GABRG3: variants seen among roughly 807,000 people sequenced by gnomAD.
GABRG3 encodes gamma-aminobutyric acid receptor subunit gamma-3.
GABRG3 carries 25 observed loss-of-function variants against 48.8 expected under a neutral mutation model. The observed-to-expected ratio is 0.51, with a 90% CI of 0.37 to 0.72. The LOEUF (loss-of-function observed/expected upper bound fraction) is 0.72, where lower values mean the gene tolerates loss of function less well. Among genes scored for constraint, GABRG3 ranks in the 30% least tolerant of loss-of-function variants. The probability of loss-of-function intolerance (pLI) is 0.00; values close to 1 mark genes in which losing one functional copy is unlikely to be tolerated. For missense variants in GABRG3, 394 were observed against 577.9 expected, an observed-to-expected ratio of 0.68 and a Z score of 3.26; for synonymous variants, 227 against 217.6, an observed-to-expected ratio of 1.04 and a Z score of -0.38.
At chr15:27,124,183 A>G (rs1272911266) in intron 3 of GABRG3, among the ~76,000 whole-genome samples, 1 of 152,226 alleles carries the variant, frequency 6.6e-6, no homozygotes, top group Admixed American at 6.5e-5. Flanking sequence ...ATTTCTACCG[A>G]AATAGACACT....
chr15:27,341,271 G>A (rs1257960587), intron 5 of GABRG3, among the ~76,000 whole-genome samples: 1 of 152,162 alleles, frequency 6.6e-6, no homozygotes, highest in East Asian at 1.9e-4. Context: ...GCCCTAGTCA[G>A]AGTTTTAAGA....
At chr15:27,251,047 G>A (rs1402025777) in intron 3 of GABRG3, among the ~76,000 whole-genome samples, 1 of 152,194 alleles carries the variant, frequency 6.6e-6, no homozygotes, top group Non-Finnish European at 1.5e-5. Context: ...TTCCCACGCT[G>A]ATAGCTCTGA....
chr15:27,240,671 A>G (rs955468274), intron 3 of GABRG3, among the ~76,000 whole-genome samples: 3 of 152,224 alleles, frequency 2.0e-5, no homozygotes, highest in Non-Finnish European at 4.4e-5. Context: ...ATGCATTAAT[A>G]GGAGTCTAAG....
chr15:27,399,038 A>C (rs1048048243), intron 5 of GABRG3, among the ~76,000 whole-genome samples: 3 of 152,188 alleles, frequency 2.0e-5, no homozygotes, highest in African/African-American at 7.2e-5. Context: ...TTTAGTCTTA[A>C]CTTTGAAAAT....
intron 5 of GABRG3, among the ~76,000 whole-genome samples, chr15:27,404,277 C>G (rs143649588): frequency 7.0e-4 from 107 of 152,290 alleles, no homozygotes; most frequent in Non-Finnish European, 1.3e-3. Context: ...GGAGTGCTTT[C>G]TTCAAAACTT....
intron 5 of GABRG3, among the ~76,000 whole-genome samples, chr15:27,337,912 T>C (rs1289092997): frequency 6.6e-6 from 1 of 152,218 alleles, no homozygotes; most frequent in African/African-American, 2.4e-5. Flanking sequence ...CCCCTTCCTA[T>C]ACATTCACTA....
intron 3 of GABRG3, among the ~76,000 whole-genome samples, chr15:27,183,446 G>A (rs1029781216): frequency 2.0e-5 from 3 of 152,154 alleles, no homozygotes; most frequent in African/African-American, 4.8e-5. Flanking sequence ...GCCAGGCAGC[G>A]TGGATCCAGA....
At chr15:27,458,464 C>T (rs970202569) in intron 5 of GABRG3, among the ~76,000 whole-genome samples, 1 of 152,150 alleles carries the variant, frequency 6.6e-6, no homozygotes, top group Non-Finnish European at 1.5e-5. Flanking sequence ...GGAATGTAAT[C>T]ATCTTTCCCT....
chr15:27,202,676 T>G (rs1888723545), intron 3 of GABRG3, among the ~76,000 whole-genome samples: 1 of 152,204 alleles, frequency 6.6e-6, no homozygotes, highest in South Asian at 2.1e-4. Flanking sequence ...GCATTATTTC[T>G]TACGTTAATT....
intron 2 of GABRG3, among the ~76,000 whole-genome samples, chr15:27,022,280 A>G (rs1378684834): frequency 6.6e-6 from 1 of 152,148 alleles, no homozygotes; most frequent in African/African-American, 2.4e-5. Context: ...GAACATCTAG[A>G]ATCAGATCAG....
intron 2 of GABRG3, 97 bp downstream of exon 2, chr15:26,977,247 G>T: frequency 7.7e-7 from 1 of 1,297,902 alleles, no homozygotes; most frequent in Admixed American, 2.1e-5. Flanking sequence ...GTATTGCAAA[G>T]ATAGTGCAGA....
At chr15:27,134,960 A>G (rs1897981788) in intron 3 of GABRG3, among the ~76,000 whole-genome samples, 1 of 152,216 alleles carries the variant, frequency 6.6e-6, no homozygotes, top group Non-Finnish European at 1.5e-5. Flanking sequence ...CCAGGAGTGC[A>G]TTAAGGTGTT....
In GABRG3 at chr15:27,313,276, A is replaced by G. The variant is rs1297702457; in HGVS notation, c.271-13533A>G. Among the ~76,000 whole-genome samples the G allele has an allele frequency of 2.8e-3, 212 of 76,646 alleles. 4 individuals carry two copies. The highest frequency in any genetic ancestry group is 5.4e-3 in the Middle Eastern group (1 of 186). 50.3% of individuals were successfully genotyped at this position (76,646 alleles called of 152,430 possible). A position where few individuals can be genotyped will look rare whatever the true frequency, so the allele number is the denominator to read the frequency against. On this transcript the variant is annotated intron_variant, in intron 3 of 9. Coordinates refer to ENST00000615808, the MANE Select transcript of GABRG3 (RefSeq NM_033223.5). ...TGTGTGTGTGTGTATATATATATAT[A>G]TATATATATATATATATATATATAT...
At chr15:27,396,736 T>C (rs530549146) in intron 5 of GABRG3, among the ~76,000 whole-genome samples, 2 of 152,318 alleles carry the variant, frequency 1.3e-5, no homozygotes, top group South Asian at 2.1e-4. Flanking sequence ...CCCTCCAGAC[T>C]TCCTTCAACT....
At chr15:27,527,669 G>T in intron 8 of GABRG3, 40 bp downstream of exon 8, 1 of 1,541,474 alleles carries the variant, frequency 6.5e-7, no homozygotes, top group Non-Finnish European at 8.8e-7. Flanking sequence ...AGGTAATGGG[G>T]GCGCTGTTTG....
At chr15:27,195,075 A>G (rs1388350245) in intron 3 of GABRG3, among the ~76,000 whole-genome samples, 3 of 152,130 alleles carry the variant, frequency 2.0e-5, no homozygotes, top group African/African-American at 7.2e-5. Flanking sequence ...GTTTTTAAAA[A>G]TTGTGTTTTC....
At chr15:27,232,265 T>C (rs1001340004) in intron 3 of GABRG3, among the ~76,000 whole-genome samples, 3 of 152,158 alleles carry the variant, frequency 2.0e-5, no homozygotes, top group Non-Finnish European at 2.9e-5. Context: ...GGAATATGAA[T>C]TGAGGGCAGA....
chr15:27,044,798 T>C (rs760687209), intron 3 of GABRG3, among the ~76,000 whole-genome samples: 1 of 152,232 alleles, frequency 6.6e-6, no homozygotes, highest in Non-Finnish European at 1.5e-5. Flanking sequence ...GTGGCCTTAT[T>C]TGAACCTGGT....
intron 5 of GABRG3, among the ~76,000 whole-genome samples, chr15:27,385,601 T>C (rs1895898755): frequency 6.6e-6 from 1 of 152,190 alleles, no homozygotes; most frequent in African/African-American, 2.4e-5. Flanking sequence ...GTGGATCATC[T>C]TTACTGAATG....
Sources: gnomAD v4.1 joint callset for allele counts (sites outside exome capture counted in the v4.1 genomes callset) on GRCh38, gnomAD v4.1.1 for gene constraint, MANE v1.5 for transcripts, NCBI Gene and HGNC (gene_info 2026-07-23, HGNC 2026-07-21) for gene names.